The following OSBPL11 variants were observed in gnomAD, a reference collection of about 807,000 sequenced individuals.
The protein encoded by OSBPL11 is oxysterol binding protein like 11.
OSBPL11 carries 33 observed loss-of-function variants against 84.4 expected under a neutral mutation model. That is an observed-to-expected ratio of 0.39 (90% CI 0.30 to 0.52). The LOEUF (loss-of-function observed/expected upper bound fraction) is 0.52, where lower values mean the gene tolerates loss of function less well. OSBPL11 is among the 20% of genes least tolerant of loss of function. OSBPL11 has a pLI of 0.72. For synonymous variants in OSBPL11, 276 were observed against 310.2 expected (o/e 0.89, Z 1.16); for missense variants, 736 against 901.1 (o/e 0.82, Z 2.35).
intron 1 of OSBPL11, among the ~76,000 whole-genome samples, 171 bp from the exon 2 acceptor site, chr3:125,583,149 A>G (rs937038292): frequency 1.3e-5 from 2 of 152,200 alleles, no homozygotes; most frequent in African/African-American, 2.4e-5. Flanking sequence ...CCCAAATTTC[A>G]TATCTATAGG....
chr3:125,560,429 C>T lies in OSBPL11; in HGVS notation c.1105G>A (p.Val369Ile). The T allele has an allele frequency of 1.2e-6, 2 of 1,606,648 alleles. No individual in the cohort carries two copies. The highest frequency in any genetic ancestry group is 1.7e-6 in the Non-Finnish European group (2 of 1,175,824). ...DLGAVEEQRSVILHLLSQLKL... is the reference protein window; with the variant it reads ...DLGAVEEQRSIILHLLSQLKL... ...AGCTGTGACAAGAGATGTAGGATGA[C>T]ACTACGTTGTTCTTCTACAGCTCCC... The change falls in exon 8 of 13, where the codon GTC (valine) becomes ATC (isoleucine). Residue 369 changes from valine (V) to isoleucine (I), a missense_variant. Val to Ile is a conservative substitution (Grantham distance 29). Transcript: ENST00000296220.
chr3:125,563,499 T>C (rs995329175), intron 7 of OSBPL11, among the ~76,000 whole-genome samples, 199 bp downstream of exon 7: 1 of 152,212 alleles, frequency 6.6e-6, no homozygotes, highest in African/African-American at 2.4e-5. Flanking sequence ...AAAGGGCATA[T>C]AATTTAACCT....
At chr3:125,557,358 G>C (rs1423535558) in intron 8 of OSBPL11, among the ~76,000 whole-genome samples, 2 of 152,076 alleles carry the variant, frequency 1.3e-5, no homozygotes, top group Non-Finnish European at 2.9e-5. Context: ...CTGCAGTTTA[G>C]TCACCAGGCT....
chr3:125,590,666 A>G (rs977977571), intron 1 of OSBPL11, among the ~76,000 whole-genome samples: 1 of 152,104 alleles, frequency 6.6e-6, no homozygotes, highest in Non-Finnish European at 1.5e-5. Context: ...AAGCCTTAGA[A>G]TTCATTCTTT....
At chr3:125,570,321 C>CA (rs1443842174) in intron 5 of OSBPL11, among the ~76,000 whole-genome samples, 1 of 130,460 alleles carries the variant, frequency 7.7e-6, no homozygotes, top group African/African-American at 3.3e-5. Context: ...GCAAGACACC[C>CA]ATCTCTAGCA....
chr3:125,538,497 T>C lies in OSBPL11; in HGVS notation c.1978A>G (p.Lys660Glu). The C allele has an allele frequency of 6.2e-7, 1 of 1,614,164 alleles. No individual in the cohort carries two copies. ...TTCTCCAGAGGTCTCACTCTTTTCT[T>C]CGTCACTGCCAATTTAGTCAAGTCC... ...YVDLTKLAVT[K>E]KRVRPLEKQD... The change falls in exon 11 of 13, where the codon AAG becomes GAG. Residue 660 changes from lysine to glutamate, a missense_variant. By Grantham distance (56) the Lys-to-Glu change is moderately conservative. This residue lies in a region of OSBPL11 where 579 missense variants were observed against 717.6 expected (regional missense o/e 0.81). Transcript: ENST00000296220.
chr3:125,558,946 A>C (rs1224772090), intron 8 of OSBPL11, among the ~76,000 whole-genome samples: 1 of 152,210 alleles, frequency 6.6e-6, no homozygotes, highest in Non-Finnish European at 1.5e-5. Context: ...TGGTCTTCAG[A>C]TCACACTTAA....
At chr3:125,560,755 CTATT>C (rs1275839956) in intron 7 of OSBPL11, among the ~76,000 whole-genome samples, 1 of 152,118 alleles carries the variant, frequency 6.6e-6, no homozygotes, top group African/African-American at 2.4e-5. Context: ...CACATAAGAA[CTATT>C]TTTCTTTTTT....
At chr3:125,581,629 G>A (rs1936426510) in intron 2 of OSBPL11, among the ~76,000 whole-genome samples, 1 of 147,748 alleles carries the variant, frequency 6.8e-6, no homozygotes, top group African/African-American at 2.5e-5. Flanking sequence ...CCTGGAGGCA[G>A]AGGTTGCGGT....
At chr3:125,568,687 G>A (rs999649859) in intron 5 of OSBPL11, among the ~76,000 whole-genome samples, 21 of 152,124 alleles carry the variant, frequency 1.4e-4, no homozygotes, top group African/African-American at 4.3e-4. Flanking sequence ...CTGGATGCAA[G>A]CTTTTCAGTT....
intron 11 of OSBPL11, among the ~76,000 whole-genome samples, chr3:125,536,119 A>AAT (rs1935636923): frequency 1.5e-5 from 2 of 136,344 alleles, no homozygotes; most frequent in African/African-American, 6.3e-5. Context: ...TAGGTGACAG[A>AAT]GTGAGTCCAT....
intron 9 of OSBPL11, among the ~76,000 whole-genome samples, chr3:125,548,099 G>C (rs1052460667): frequency 6.6e-6 from 1 of 152,012 alleles, no homozygotes; most frequent in African/African-American, 2.4e-5. Context: ...GGCTGGTCTC[G>C]CACTCCTGAC....
intron 1 of OSBPL11, among the ~76,000 whole-genome samples, chr3:125,592,827 A>G (rs1286656023): frequency 1.3e-5 from 2 of 152,064 alleles, no homozygotes. Flanking sequence ...TGTTTCACAA[A>G]AGAAAAAAAA....
At chr3:125,585,876 T>C (rs1936502710) in intron 1 of OSBPL11, among the ~76,000 whole-genome samples, 1 of 152,216 alleles carries the variant, frequency 6.6e-6, no homozygotes, top group African/African-American at 2.4e-5. Context: ...TCTTTTCTTC[T>C]ACTGTCTTAT....
At chr3:125,583,069 T>A in intron 1 of OSBPL11, 91 bp from the exon 2 acceptor site, 1 of 813,390 alleles carries the variant, frequency 1.2e-6, no homozygotes, top group Non-Finnish European at 1.9e-6. Context: ...TGCAGATACA[T>A]ATATGCTCTA....
At chr3:125,574,481 T>G (rs927836678) in intron 5 of OSBPL11, among the ~76,000 whole-genome samples, 5 of 102,148 alleles carry the variant, frequency 4.9e-5, no homozygotes, top group African/African-American at 1.8e-4. Flanking sequence ...TGATTAGCAG[T>G]TTTTTTTTTT....
intron 7 of OSBPL11, among the ~76,000 whole-genome samples, chr3:125,562,717 C>T (rs1936096371): frequency 1.3e-5 from 2 of 151,988 alleles, no homozygotes; most frequent in Non-Finnish European, 2.9e-5. Context: ...ACCTGAGGTC[C>T]AGAGTTCGAG....
intron 5 of OSBPL11, among the ~76,000 whole-genome samples, chr3:125,568,987 G>A (rs751588454): frequency 2.0e-5 from 3 of 151,580 alleles, no homozygotes; most frequent in Admixed American, 6.6e-5. Context: ...TCACTCTGTC[G>A]CCTAGGCTGG....
chr3:125,578,652 T>A lies in OSBPL11; in HGVS notation c.489+308A>T, dbSNP rs539194362. ...TGGGTGTGGTGGTGTGTGCCTGTAG[T>A]CCCAGCTACTTGGGAGGCTGAGACA... On this transcript the variant is annotated intron_variant, in intron 4 of 12. Coordinates refer to ENST00000296220, the MANE Select transcript of OSBPL11 (RefSeq NM_022776.5). 2.6e-5 allele frequency among the ~76,000 whole-genome samples: 4 copies of A among 152,150 alleles called. No homozygotes were observed. The South Asian group carries it at 8.3e-4, about 32-fold the overall frequency.
Sources: allele counts gnomAD v4.1 joint callset (sites outside exome capture counted in the v4.1 genomes callset), GRCh38; gene constraint gnomAD v4.1.1; regional missense constraint gnomAD v4.1.1; transcripts MANE v1.5; gene names NCBI Gene and HGNC (gene_info 2026-07-23, HGNC 2026-07-21).